CLK3: variants seen among roughly 807,000 people sequenced by gnomAD.
The protein encoded by CLK3 is CDC like kinase 3.
Under a neutral mutation model 65.2 loss-of-function variants are expected in CLK3, and 24 were observed. That is an observed-to-expected ratio of 0.37 (90% CI 0.27 to 0.52). CLK3 has a LOEUF of 0.52. Among genes scored for constraint, CLK3 ranks in the 20% least tolerant of loss-of-function variants. CLK3 has a pLI of 0.92. For missense variants in CLK3, 506 were observed against 660.0 expected, an observed-to-expected ratio of 0.77 and a Z score of 2.56; for synonymous variants, 252 against 240.8, an observed-to-expected ratio of 1.05 and a Z score of -0.43.
chr15:74,617,495 G>A (rs1297671782), intron 1 of CLK3, among the ~76,000 whole-genome samples: 1 of 152,264 alleles, frequency 6.6e-6, no homozygotes, highest in Non-Finnish European at 1.5e-5. Context: ...GCAAGATGAA[G>A]CTGACGGTCA....
At position 74,622,280 on chromosome 15, in the gene CLK3, C is replaced by T. The variant is rs1029823596; in HGVS notation, c.466+64C>T. ...CTACCCCCCTTGTTAGACGAGACCT[C>T]TCCTGCCTGGAGGGGCCTCTAGTGC... On this transcript the variant is annotated intron_variant, in intron 4 of 12. Transcript: ENST00000395066. This position sits in a 1 kb window ranked among gnomAD's most constrained non-coding sequence, Gnocchi z 4.6. 4.0e-6 allele frequency: 6 copies of T among 1,507,436 alleles called. No individual in the cohort carries two copies. The African/African-American group carries it at 8.2e-5, about 21-fold the overall frequency. The allele number at this position is 1,507,436 out of a possible 1,614,324, so 93.4% of individuals were successfully genotyped here. A position where few individuals can be genotyped will look rare whatever the true frequency, so the allele number is the denominator to read the frequency against.
chr15:74,625,839 G>A lies in CLK3; in HGVS notation c.688G>A (p.Gly230Ser), dbSNP rs1346653651. The change falls in exon 7 of 13, where the codon GGT becomes AGT. Residue 230 changes from glycine (G) to serine (S), a missense_variant. This residue lies in a region of CLK3 where 325 missense variants were observed against 500.5 expected (regional missense o/e 0.65). Transcript: ENST00000395066. ...VLMSDWFNFH[G>S]HMCIAFELLG... ...GATGTCTGACTGGTTCAACTTCCAC[G>A]GTCACATGTGCATCGCCTTTGAGCT... is the stretch of plus-strand genomic sequence containing the variant. 1.2e-6 allele frequency: 2 copies of A among 1,614,068 alleles called. No individual in the cohort carries two copies. Among genetic ancestry groups the A allele is most frequent in the South Asian group, 1.1e-5 (1 of 91,078 alleles).
chr15:74,624,931 T>C lies in CLK3; in HGVS notation c.563T>C (p.Ile188Thr). Residue 188 changes from isoleucine (I) to threonine (T), a missense_variant, in exon 6 of 13, where the codon ATC becomes ACC. Ile to Thr is a moderately conservative substitution (Grantham distance 89, BLOSUM62 -1). This residue lies in a region of CLK3 where 325 missense variants were observed against 500.5 expected (regional missense o/e 0.65). Coordinates refer to ENST00000395066, the MANE Select transcript of CLK3 (RefSeq NM_001130028.2). The surrounding 1 kb of genome is among the most constrained non-coding windows in gnomAD (Gnocchi z 4.2). ...AAGTCTCAGGTTGCCCTGAAGATCA[T>C]CCGCAACGTGGGCAAGTACCGGGAG... The part of the protein sequence containing the change: ...RGKSQVALKI[I>T]RNVGKYREAA... The C allele has an allele frequency of 1.2e-6, 2 of 1,609,632 alleles. No homozygotes were observed. Among genetic ancestry groups the C allele is most frequent in the African/African-American group, 1.3e-5 (1 of 74,904 alleles).
rs1348481372 is a variant in CLK3 at position 74,629,877 on chromosome 15, C to T, written c.1467C>T (p.Ser489=). The change falls in exon 13 of 13, where the codon AGC becomes AGT. Residue 489 remains serine, a synonymous_variant. Transcript: ENST00000395066. ...CCTTCCACACCAGCCGCAACCCAAG[C>T]AGATGACAGGCACAGGCCACCGCAT... ...ERSFHTSRNP[S]R The T allele has an allele frequency of 1.9e-6, 3 of 1,608,004 alleles. No individual in the cohort carries two copies. The highest frequency in any genetic ancestry group is 1.3e-5 in the African/African-American group (1 of 74,872).
Position 74,615,917 on chromosome 15 carries a change from C to T in CLK3, c.-1+19C>T, listed in dbSNP as rs1029864156. On this transcript the variant is annotated intron_variant, in intron 1 of 12. Coordinates refer to ENST00000395066, the MANE Select transcript of CLK3 (RefSeq NM_001130028.2). ...GGAGACGGTAAGTGTGGGCTGGGGT[C>T]CGCGGCGGCGACAGCGGCGGCGGCG... 15 of 1,244,318 alleles carry T rather than the reference C, an allele frequency of 1.2e-5. No homozygotes were observed. Among genetic ancestry groups the T allele is most frequent in the Non-Finnish European group, 1.4e-5 (14 of 994,738 alleles). 77.1% of individuals were successfully genotyped at this position (1,244,318 alleles called of 1,614,324 possible).
In CLK3 at chr15:74,620,158, A is replaced by G; in HGVS notation, c.302A>G (p.Tyr101Cys). ...HRRRSRERGP[Y>C]RTRKHAHHCH... ...CGGCGATCGCGGGAGAGGGGGCCATACCGGACCCGCAAGCATGCCCACCAC... is the reference window on the plus strand; with the variant it reads ...CGGCGATCGCGGGAGAGGGGGCCATGCCGGACCCGCAAGCATGCCCACCAC... Residue 101 changes from tyrosine to cysteine, a missense_variant, in exon 3 of 13, where the codon TAC (tyrosine) becomes TGC (cysteine). By Grantham distance (194) the Tyr-to-Cys change is radical. Coordinates refer to ENST00000395066, the MANE Select transcript of CLK3 (RefSeq NM_001130028.2). 1.2e-6 allele frequency: 2 copies of G among 1,614,000 alleles called. No individual in the cohort carries two copies. The highest frequency in any genetic ancestry group is 2.2e-5 in the South Asian group (2 of 91,090).
chr15:74,628,639 G>A lies in CLK3; in HGVS notation c.1161G>A (p.Glu387=). ...HENREHLVMM[E]KILGPIPSHM... is the part of the protein sequence containing the mutation. Reference sequence around the variant, plus strand: ...ACCGAGAGCACCTGGTGATGATGGAGAAGATCCTAGGGCCCATCCCATCAC... The same window carrying A: ...ACCGAGAGCACCTGGTGATGATGGAAAAGATCCTAGGGCCCATCCCATCAC... The change falls in exon 11 of 13, where the codon GAG becomes GAA. Residue 387 remains glutamate (E), a synonymous_variant. Transcript: ENST00000395066. 6.2e-7 allele frequency: 1 copy of A among 1,613,760 alleles called. No individual in the cohort carries two copies. The highest frequency in any genetic ancestry group is 8.5e-7 in the Non-Finnish European group (1 of 1,179,804).
chr15:74,610,517 CA>C (rs2061975726), intron 1 of CLK3, among the ~76,000 whole-genome samples: 1 of 152,258 alleles, frequency 6.6e-6, no homozygotes, highest in Non-Finnish European at 1.5e-5. Context: ...TTTGATAACG[CA>C]GGCGGACTGG....
In CLK3 at chr15:74,620,200, C is replaced by A. The variant is rs1168667147; in HGVS notation, c.344C>A (p.Thr115Asn). The A allele has an allele frequency of 3.1e-6, 5 of 1,613,976 alleles. No individual in the cohort carries two copies. Among genetic ancestry groups the A allele is most frequent in the Non-Finnish European group, 4.2e-6 (5 of 1,180,046 alleles). The change falls in exon 3 of 13, where the codon ACC becomes AAC. Residue 115 changes from threonine to asparagine, a missense_variant. Physicochemically the swap from Thr to Asn is moderately conservative, Grantham distance 65. Coordinates refer to ENST00000395066, the MANE Select transcript of CLK3 (RefSeq NM_001130028.2). ...KHAHHCHKRR[T>N]RSCSSASSRS... ...GCCCACCACTGCCACAAACGCCGCA[C>A]CAGGTCTTGTAGCAGCGCCTCCTCG...
chr15:74,619,745 T>G (rs2062086556), intron 2 of CLK3, among the ~76,000 whole-genome samples: 2 of 151,920 alleles, frequency 1.3e-5, no homozygotes, highest in Non-Finnish European at 2.9e-5. Flanking sequence ...TCTGGAAGGG[T>G]ATAGAACCCT....
rs919298821 is a variant in CLK3 at position 74,617,387 on chromosome 15, G to A, written c.-1+1489G>A. Among the ~76,000 whole-genome samples, 3 of 152,226 alleles carry A rather than the reference G, an allele frequency of 2.0e-5. No homozygotes were observed. In the East Asian group the frequency reaches 5.8e-4, roughly 29 times the overall value. Reference sequence around the variant, plus strand: ...AGATGTTCATGAAAAGCTGCCACTAGTACCTCTGTGGGCACAAAGCTGTGC... The same window carrying A: ...AGATGTTCATGAAAAGCTGCCACTAATACCTCTGTGGGCACAAAGCTGTGC... On this transcript the variant is annotated intron_variant, in intron 1 of 12. Coordinates refer to ENST00000395066, the MANE Select transcript of CLK3 (RefSeq NM_001130028.2).
chr15:74,623,994 C>T (rs2062123739), intron 5 of CLK3: 1 of 152,198 alleles, frequency 6.6e-6, no homozygotes, highest in African/African-American at 2.4e-5. Flanking sequence ...CCCTGAGAAT[C>T]TGGGAAAATA....
rs1231149504 is a variant in CLK3, at chr15:74,620,164, C to A, written c.308C>A (p.Thr103Asn). Residue 103 changes from threonine to asparagine, a missense_variant, in exon 3 of 13, where the codon ACC (threonine) becomes AAC (asparagine). Physicochemically the swap from Thr to Asn is moderately conservative, Grantham distance 65 (BLOSUM62 0). Transcript: ENST00000395066. Reference sequence around the variant, plus strand: ...TCGCGGGAGAGGGGGCCATACCGGACCCGCAAGCATGCCCACCACTGCCAC... The same window carrying A: ...TCGCGGGAGAGGGGGCCATACCGGAACCGCAAGCATGCCCACCACTGCCAC... ...RRSRERGPYR[T>N]RKHAHHCHKR... is the part of the protein sequence containing the mutation. The A allele has an allele frequency of 6.2e-7, 1 of 1,613,966 alleles. No homozygotes were observed. The highest frequency in any genetic ancestry group is 8.5e-7 in the Non-Finnish European group (1 of 1,180,048).
chr15:74,622,314 C>A lies in CLK3; in HGVS notation c.466+98C>A. ...GGAGGGGCCTCTAGTGCGCGTGGTG[C>A]CTTAGCGGGGCCACCAGTAATTGCC... On this transcript the variant is annotated intron_variant, in intron 4 of 12. Transcript: ENST00000395066. The surrounding 1 kb of genome is among the most constrained non-coding windows in gnomAD (Gnocchi z 4.6). The A allele has an allele frequency of 8.2e-7, 1 of 1,220,792 alleles. No homozygotes were observed. Among genetic ancestry groups the A allele is most frequent in the Non-Finnish European group, 1.2e-6 (1 of 850,968 alleles). 75.6% of individuals were successfully genotyped at this position (1,220,792 alleles called of 1,614,324 possible).
At chr15:74,617,358 T>G (rs2062068799) in intron 1 of CLK3, among the ~76,000 whole-genome samples, 1 of 152,226 alleles carries the variant, frequency 6.6e-6, no homozygotes, top group Non-Finnish European at 1.5e-5. Context: ...TACCTGGAAC[T>G]TTCAGATGTT....
Position 74,627,939 on chromosome 15 carries a change from T to A in CLK3, c.1043-31T>A. On this transcript the variant is annotated intron_variant, in intron 9 of 12. Coordinates refer to ENST00000395066, the MANE Select transcript of CLK3 (RefSeq NM_001130028.2). The surrounding 1 kb of genome is among the most constrained non-coding windows in gnomAD (Gnocchi z 4.3). The stretch of plus-strand genomic sequence containing the variant: ...TCCAGGCTGGAAGCATAAGGCCGGA[T>A]CTCACAGCCTCTCCCCATCTTGGCT... The A allele has an allele frequency of 6.5e-7, 1 of 1,548,814 alleles. No individual in the cohort carries two copies. Among genetic ancestry groups the A allele is most frequent in the Non-Finnish European group, 8.9e-7 (1 of 1,120,514 alleles).
rs1031294059 is a variant in CLK3, at chr15:74,622,076, C to A, written c.370-44C>A. On this transcript the variant is annotated intron_variant, in intron 3 of 12. Transcript: ENST00000395066. The surrounding 1 kb of genome is among the most constrained non-coding windows in gnomAD (Gnocchi z 4.6). ...TCAATCTGTCAATCGGAACCGCCTA[C>A]CATGCGATTGGTCGGATGGCGTTTC... is the stretch of plus-strand genomic sequence containing the variant. 12 of 1,573,538 alleles carry A rather than the reference C, an allele frequency of 7.6e-6. No homozygotes were observed. Among genetic ancestry groups the A allele is most frequent in the Non-Finnish European group, 9.6e-6 (11 of 1,143,468 alleles).
rs2062133401 is a variant in CLK3, at chr15:74,625,105, A to G, written c.650+87A>G. The G allele has an allele frequency of 6.4e-6, 6 of 935,792 alleles. No homozygotes were observed. In the South Asian group the frequency reaches 8.6e-5, roughly 13 times the overall value. The allele number at this position is 935,792 out of a possible 1,614,324, so 58.0% of individuals were successfully genotyped here. A position where few individuals can be genotyped will look rare whatever the true frequency, so the allele number is the denominator to read the frequency against. ...TAGTAGTGTGCCTTCACCCATCCGC[A>G]CTGTGCCTTCTCCCCACACTCAGAA... On this transcript the variant is annotated intron_variant, in intron 6 of 12. Transcript: ENST00000395066.
upstream of CLK3, chr15:74,614,814 G>A (rs1186684837): frequency 6.6e-6 from 1 of 152,234 alleles, no homozygotes; most frequent in African/African-American, 2.4e-5. Context: ...CCAAGGAGGG[G>A]GCGGTGCCTG....
Sources: allele counts gnomAD v4.1 joint callset (sites outside exome capture counted in the v4.1 genomes callset), GRCh38; gene constraint gnomAD v4.1.1; regional missense constraint gnomAD v4.1.1; non-coding constraint Gnocchi (gnomAD v3.1); transcripts MANE v1.5; gene names NCBI Gene and HGNC (gene_info 2026-07-23, HGNC 2026-07-21).